HTR4: variants seen among roughly 807,000 people sequenced by gnomAD.
HTR4 encodes 5-hydroxytryptamine (serotonin) receptor 4, G protein-coupled.
A neutral mutation model predicts 36.8 loss-of-function variants in HTR4; 16 were observed. That is an observed-to-expected ratio of 0.43 (90% CI 0.29 to 0.66). The LOEUF is 0.66. Among genes scored for constraint, HTR4 ranks in the 30% least tolerant of loss-of-function variants. The pLI, the probability that HTR4 is intolerant of heterozygous loss-of-function variation, is 0.13. For synonymous variants in HTR4, 189 were observed against 185.1 expected, an observed-to-expected ratio of 1.02 and a Z score of -0.17; for missense variants, 438 against 490.9, an observed-to-expected ratio of 0.89 and a Z score of 1.02.
chr5:148,461,435 G>T (rs890275557), intron 5 of HTR4, among the ~76,000 whole-genome samples: 2 of 151,768 alleles, frequency 1.3e-5, no homozygotes, highest in African/African-American at 4.8e-5. Flanking sequence ...ATATACCAAG[G>T]TAATATTAAT....
intron 2 of HTR4, among the ~76,000 whole-genome samples, chr5:148,567,573 C>T (rs1171846186): frequency 6.6e-6 from 1 of 152,038 alleles, no homozygotes; most frequent in Non-Finnish European, 1.5e-5. Flanking sequence ...CCTTTGATCT[C>T]GATTTCCACC....
intron 5 of HTR4, among the ~76,000 whole-genome samples, chr5:148,452,260 G>A (rs913160340): frequency 1.3e-5 from 2 of 152,094 alleles, no homozygotes; most frequent in Non-Finnish European, 2.9e-5. Flanking sequence ...GCAAAATAAC[G>A]CATAGTCAAG....
chr5:148,645,127 A>C (rs558703626), intron 1 of HTR4: 1 of 152,348 alleles, frequency 6.6e-6, no homozygotes, highest in East Asian at 1.9e-4. Flanking sequence ...TGGTATGAAA[A>C]GGTGGCAAGA....
At chr5:148,526,691 C>A (rs1758292858) in intron 4 of HTR4, among the ~76,000 whole-genome samples, 1 of 151,776 alleles carries the variant, frequency 6.6e-6, no homozygotes, top group African/African-American at 2.4e-5. Context: ...GATATTATTC[C>A]ATCATAAAAA....
At chr5:148,512,435 G>T (rs1303107839) in intron 5 of HTR4, among the ~76,000 whole-genome samples, 1 of 151,948 alleles carries the variant, frequency 6.6e-6, no homozygotes, top group Non-Finnish European at 1.5e-5. Flanking sequence ...AAATTAAGTT[G>T]TAACTCTCTT....
At chr5:148,512,097 G>T in intron 5 of HTR4, among the ~76,000 whole-genome samples, 1 of 152,164 alleles carries the variant, frequency 6.6e-6, no homozygotes, top group Non-Finnish European at 1.5e-5. Context: ...CGAGAGCATT[G>T]CCTTCAGAAT....
chr5:148,556,921 T>C (rs1299620732), intron 2 of HTR4, among the ~76,000 whole-genome samples: 4 of 152,124 alleles, frequency 2.6e-5, no homozygotes, highest in Admixed American at 2.6e-4. Context: ...TGCAGAGAAT[T>C]TGGAAGTCAG....
chr5:148,644,434 T>TG (rs1753819229), intron 1 of HTR4, among the ~76,000 whole-genome samples: 1 of 140,966 alleles, frequency 7.1e-6, no homozygotes, highest in Non-Finnish European at 1.5e-5. Context: ...TTTTTTTTTT[T>TG]TTTTTTTTTT....
intron 2 of HTR4, among the ~76,000 whole-genome samples, chr5:148,586,260 T>G (rs1761344891): frequency 6.6e-6 from 1 of 152,038 alleles, no homozygotes. Flanking sequence ...TGCTGTTAGC[T>G]CTAGAATTCT....
At chr5:148,507,024 G>A (rs1757251976) in intron 6 of HTR4, among the ~76,000 whole-genome samples, 1 of 152,100 alleles carries the variant, frequency 6.6e-6, no homozygotes, top group African/African-American at 2.4e-5. Context: ...CTGTTACTGG[G>A]TATATACCCA....
intron 2 of HTR4, among the ~76,000 whole-genome samples, chr5:148,590,804 T>G (rs1378850365): frequency 6.6e-6 from 1 of 152,130 alleles, no homozygotes; most frequent in African/African-American, 2.4e-5. Flanking sequence ...GTATAGTTTT[T>G]TTTTTTCCTG....
intron 6 of HTR4, among the ~76,000 whole-genome samples, chr5:148,496,550 T>C (rs1223175844): frequency 1.3e-5 from 2 of 152,178 alleles, no homozygotes; most frequent in African/African-American, 4.8e-5. Flanking sequence ...TGTCCTAACG[T>C]AAAAGATGTA....
At chr5:148,615,768 GT>G (rs1752655730) in intron 2 of HTR4, among the ~76,000 whole-genome samples, 1 of 151,700 alleles carries the variant, frequency 6.6e-6, no homozygotes, top group Non-Finnish European at 1.5e-5. Flanking sequence ...ATGTTAAGTG[GT>G]TAAGTTTCTG....
At chr5:148,628,292 A>G (rs917233085) in intron 2 of HTR4, among the ~76,000 whole-genome samples, 2 of 152,208 alleles carry the variant, frequency 1.3e-5, no homozygotes, top group African/African-American at 4.8e-5. Flanking sequence ...CTTTCTAGAA[A>G]TGTGCCTTTG....
Position 148,600,349 on chromosome 5 carries a change from A to AT in HTR4, c.26+36639dup, listed in dbSNP as rs34534110. Among the ~76,000 whole-genome samples the AT allele has an allele frequency of 2.5e-3, 339 of 137,270 alleles. 1 individual carries two copies. Among genetic ancestry groups the AT allele is most frequent in the African/African-American group, 9.7e-3 (313 of 32,350 alleles). 90.1% of individuals were successfully genotyped at this position (137,270 alleles called of 152,430 possible). The stretch of plus-strand genomic sequence containing the variant: ...ATATGTATATTATTTATATATATAT[A>AT]TTTTTTTTTCACACATGACTGGGGG... On this transcript the variant is annotated intron_variant, in intron 2 of 6. Transcript: ENST00000377888.
At chr5:148,497,971 C>T (rs980490094) in intron 6 of HTR4, among the ~76,000 whole-genome samples, 2 of 152,158 alleles carry the variant, frequency 1.3e-5, no homozygotes, top group Non-Finnish European at 2.9e-5. Context: ...ATTTTGATCA[C>T]GGGTTGCATA....
chr5:148,515,157 C>T (rs10066658), intron 5 of HTR4, among the ~76,000 whole-genome samples: 1,621 of 151,854 alleles, frequency 0.011, 37 homozygotes, highest in African/African-American at 0.037. Flanking sequence ...AACACATTAC[C>T]TCTCTCCCTA....
chr5:148,516,448 T>G (rs906275864), intron 5 of HTR4, among the ~76,000 whole-genome samples: 1 of 151,022 alleles, frequency 6.6e-6, no homozygotes, highest in Non-Finnish European at 1.5e-5. Flanking sequence ...GTCTCCTGAG[T>G]AGCTGGGATT....
At chr5:148,606,415 A>T (rs912835984) in intron 2 of HTR4, among the ~76,000 whole-genome samples, 22 of 152,198 alleles carry the variant, frequency 1.4e-4, no homozygotes, top group African/African-American at 5.3e-4. Flanking sequence ...ATGTGAACAC[A>T]GTTGAAGGTG....
Sources: gnomAD v4.1 joint callset for allele counts (sites outside exome capture counted in the v4.1 genomes callset) on GRCh38, gnomAD v4.1.1 for gene constraint, MANE v1.5 for transcripts, NCBI Gene and HGNC (gene_info 2026-07-23, HGNC 2026-07-21) for gene names.